Variants in MID1 observed in about 807,000 individuals in gnomAD.
MID1 encodes midline 1.
Under a neutral mutation model 40.4 loss-of-function variants are expected in MID1, and 7 were observed. The observed-to-expected ratio is 0.17, with a 90% CI of 0.10 to 0.33. The LOEUF (loss-of-function observed/expected upper bound fraction) is 0.33, where lower values mean the gene tolerates loss of function less well. MID1 is among the 10% of genes least tolerant of loss of function. The pLI is 1.00. For missense variants in MID1, 367 were observed against 558.5 expected (o/e 0.66, Z 3.46); for synonymous variants, 229 against 221.2 (o/e 1.04, Z -0.31).
intron 3 of MID1, among the ~76,000 whole-genome samples, chrX:10,516,974 T>C (rs1401209239): frequency 3.6e-5 from 4 of 111,367 alleles, no homozygotes; most frequent in Non-Finnish European, 7.5e-5. Flanking sequence ...AGCCATTCAT[T>C]TGCTTACCCT....
intron 2 of MID1, among the ~76,000 whole-genome samples, chrX:10,551,795 C>T (rs5978406): frequency 0.15 from 16,159 of 110,607 alleles, 2,283 homozygotes; most frequent in African/African-American, 0.44. Context: ...ACATTTTTAA[C>T]GTTTTAGAGA....
At chrX:10,584,153 C>G (rs1935083352) in intron 1 of MID1, among the ~76,000 whole-genome samples, 1 of 111,555 alleles carries the variant, frequency 9.0e-6, no homozygotes, top group Non-Finnish European at 1.9e-5. Flanking sequence ...GGCAAAAGAG[C>G]AGGAGAGGAA....
upstream of MID1, among the ~76,000 whole-genome samples, chrX:10,624,870 G>A (rs1464348982): frequency 9.0e-6 from 1 of 111,102 alleles, no homozygotes; most frequent in East Asian, 2.8e-4. Flanking sequence ...TGCTTCAGCC[G>A]CCAAAAATGG....
chrX:10,505,374 C>A (rs1483347469), intron 3 of MID1: 1 of 751,672 alleles, frequency 1.3e-6, no homozygotes, highest in African/African-American at 2.3e-5. Context: ...AGAAGCAGTT[C>A]CAAAATGAAG....
At chrX:10,481,240 C>A (rs1266566250) in intron 5 of MID1, among the ~76,000 whole-genome samples, 1 of 111,703 alleles carries the variant, frequency 9.0e-6, no homozygotes, top group Non-Finnish European at 1.9e-5. Context: ...GTCTGCTGAT[C>A]TCTGCTCTAG....
At chrX:10,735,030 C>T (rs1451701043) in intron 1 of MID1, among the ~76,000 whole-genome samples, 4 of 112,294 alleles carry the variant, frequency 3.6e-5, no homozygotes, top group Non-Finnish European at 7.5e-5. Context: ...CAATTGCTAA[C>T]AAAACTGACT....
intron 1 of MID1, among the ~76,000 whole-genome samples, chrX:10,761,227 T>G (rs2043675756): frequency 9.3e-6 from 1 of 107,748 alleles, no homozygotes; most frequent in East Asian, 2.8e-4. Flanking sequence ...GATCCCATGT[T>G]CAGCTCCTTC....
At position 10,720,183 on chromosome X, in the gene MID1, C is replaced by T. The variant is rs747132087; in HGVS notation, c.-186-99764G>A. ...ACACCAAAAGCAATGGCAACAAAAG[C>T]GAAAATTGACAAATGGGATCCAATT... On this transcript the variant is annotated intron_variant, in intron 1 of 10. Transcript: ENST00000380785. 2.9e-3 allele frequency among the ~76,000 whole-genome samples: 327 copies of T among 111,559 alleles called. 1 individual carries two copies. The highest frequency in any genetic ancestry group is 0.01 in the African/African-American group (315 of 30,692).
chrX:10,652,287 C>T (rs190730907), intron 1 of MID1, among the ~76,000 whole-genome samples: 9 of 111,704 alleles, frequency 8.1e-5, no homozygotes, highest in African/African-American at 2.6e-4. Flanking sequence ...CATTTAAGAG[C>T]CAACCATAAG....
At chrX:10,710,748 C>G (rs143360218) in intron 1 of MID1, among the ~76,000 whole-genome samples, 1,297 of 111,470 alleles carry the variant, frequency 0.012, 22 homozygotes, top group African/African-American at 0.04. Context: ...CATTAGTCAG[C>G]ATGTGTGGGA....
chrX:10,769,689 T>C (rs1478309095), intron 1 of MID1, among the ~76,000 whole-genome samples: 1 of 112,329 alleles, frequency 8.9e-6, no homozygotes, highest in African/African-American at 3.2e-5. Context: ...CTCCTGTTCT[T>C]TTCAATAAAA....
Position 10,608,007 on chromosome X carries a change from G to A in MID1, c.-57+12283C>T, listed in dbSNP as rs775389075. Among the ~76,000 whole-genome samples the A allele has an allele frequency of 1.3e-3, 149 of 112,435 alleles. 3 individuals are homozygous for A. Among genetic ancestry groups the A allele is most frequent in the Non-Finnish European group, 4.1e-4 (22 of 53,292 alleles). On this transcript the variant is annotated intron_variant, in intron 1 of 9. Coordinates refer to ENST00000317552, the MANE Select transcript of MID1 (RefSeq NM_000381.4). ...GGAGGTATTGAACACACCCAAACTGGATTATGAAGTATCTTCTGCACTTTT... is the reference window on the plus strand; with the variant it reads ...GGAGGTATTGAACACACCCAAACTGAATTATGAAGTATCTTCTGCACTTTT...
intron 1 of MID1, among the ~76,000 whole-genome samples, chrX:10,669,134 G>C (rs1380463199): frequency 1.9e-5 from 2 of 105,028 alleles, no homozygotes; most frequent in African/African-American, 7.1e-5. Context: ...CAGGAGAATG[G>C]CGTGAACCCG....
At chrX:10,734,373 A>C (rs1041064793) in intron 1 of MID1, among the ~76,000 whole-genome samples, 1 of 110,722 alleles carries the variant, frequency 9.0e-6, no homozygotes, top group Non-Finnish European at 1.9e-5. Context: ...AACAACAGAT[A>C]CTGGGGTCCA....
At position 10,551,088 on chromosome X, in the gene MID1, C is replaced by T. The variant is rs996613364; in HGVS notation, c.660+15800G>A. On this transcript the variant is annotated intron_variant, in intron 2 of 9. Coordinates refer to ENST00000317552, the MANE Select transcript of MID1 (RefSeq NM_000381.4). The stretch of plus-strand genomic sequence containing the variant: ...TATTTGCATATAACCTATGTATATC[C>T]TCCCATATACTTTATCTCTAGATTA... Among the ~76,000 whole-genome samples, 9 of 111,875 alleles carry T rather than the reference C, an allele frequency of 8.0e-5. No individual in the cohort carries two copies. In the East Asian group the frequency reaches 2.5e-3, roughly 31 times the overall value.
intron 1 of MID1, among the ~76,000 whole-genome samples, chrX:10,754,321 TTG>T (rs1245343809): frequency 4.7e-5 from 5 of 106,613 alleles, no homozygotes; most frequent in African/African-American, 1.9e-4. Context: ...TTTTTGTTTT[TTG>T]TTTTTTTTGT....
intron 1 of MID1, among the ~76,000 whole-genome samples, chrX:10,730,757 G>A (rs1321517459): frequency 1.1e-4 from 12 of 108,750 alleles, no homozygotes; most frequent in Non-Finnish European, 2.1e-4. Flanking sequence ...ATTTTTTTTA[G>A]TATAGAAGGG....
At chrX:10,531,438 G>A (rs752270195) in intron 2 of MID1, among the ~76,000 whole-genome samples, 7 of 111,658 alleles carry the variant, frequency 6.3e-5, no homozygotes, top group Non-Finnish European at 1.3e-4. Context: ...AAGACAGGCC[G>A]CCGAGGGAAC....
intron 1 of MID1, among the ~76,000 whole-genome samples, chrX:10,588,458 A>C (rs950205854): frequency 8.9e-6 from 1 of 111,851 alleles, no homozygotes; most frequent in African/African-American, 3.3e-5. Flanking sequence ...CTGACAACAA[A>C]GTAGTATTAG....
Sources: gnomAD v4.1 joint callset for allele counts (sites outside exome capture counted in the v4.1 genomes callset) on GRCh38, gnomAD v4.1.1 for gene constraint, MANE v1.5 for transcripts, NCBI Gene and HGNC (gene_info 2026-07-23, HGNC 2026-07-21) for gene names.